ARHGAP29: variants seen among roughly 807,000 people sequenced by gnomAD.
ARHGAP29 encodes Rho GTPase activating protein 29, also known as rho GTPase-activating protein 29.
In ARHGAP29, 43 loss-of-function variants were observed where a neutral mutation model predicts 122.6. The observed-to-expected ratio is 0.35, with a 90% CI of 0.27 to 0.45. ARHGAP29 has a LOEUF of 0.45. Ranked by LOEUF, ARHGAP29 falls within the 20% of genes least tolerant of loss-of-function variation. ARHGAP29 has a pLI of 1.00. For synonymous variants in ARHGAP29, 506 were observed against 497.1 expected (o/e 1.02, Z -0.24); for missense variants, 1,303 against 1,477.2 (o/e 0.88, Z 1.93).
rs538112923 is a variant in ARHGAP29 at position 94,183,634 on chromosome 1, C to T, written c.2247+517G>A. Reference sequence around the variant, plus strand: ...CTCATTCATCATCTTGGCCACTAACCTATCACAATGGCTATTTTAAAATAT... The same window carrying T: ...CTCATTCATCATCTTGGCCACTAACTTATCACAATGGCTATTTTAAAATAT... On this transcript the variant is annotated intron_variant, in intron 19 of 22. Coordinates refer to ENST00000260526, the MANE Select transcript of ARHGAP29 (RefSeq NM_004815.4). 5.9e-5 allele frequency among the ~76,000 whole-genome samples: 9 copies of T among 152,250 alleles called. 1 individual carries two copies. The highest frequency in any genetic ancestry group is 1.4e-4 in the African/African-American group (6 of 41,550).
intron 3 of ARHGAP29, among the ~76,000 whole-genome samples, chr1:94,212,801 T>A (rs1334778885): frequency 6.6e-6 from 1 of 152,090 alleles, no homozygotes; most frequent in Non-Finnish European, 1.5e-5. Context: ...CTAATATAAT[T>A]CTCTTTTTTG....
chr1:94,195,762 T>C (rs1034645967), intron 12 of ARHGAP29: 1 of 152,034 alleles, frequency 6.6e-6, no homozygotes, highest in Non-Finnish European at 1.5e-5. Context: ...TATAATGCTA[T>C]ATAAGAAACT....
the ARHGAP29 span, among the ~76,000 whole-genome samples, chr1:94,310,582 C>G: frequency 6.6e-6 from 1 of 152,236 alleles, no homozygotes; most frequent in Non-Finnish European, 1.5e-5. Flanking sequence ...ATCTTTCCAG[C>G]ACAATCCTTT....
At chr1:94,232,284 C>T (rs145524085) in intron 1 of ARHGAP29, among the ~76,000 whole-genome samples, 5 of 152,014 alleles carry the variant, frequency 3.3e-5, no homozygotes, top group East Asian at 3.9e-4. Flanking sequence ...TTACATGACG[C>T]GATGATACAG....
Position 94,186,407 on chromosome 1 carries a change from T to C in ARHGAP29, c.1780+92A>G, listed in dbSNP as rs545898821. On this transcript the variant is annotated intron_variant, in intron 16 of 22. Transcript: ENST00000260526. ...TTTTTGTTTAATACACAAAAAAGTA[T>C]TGATTCTTTAAAATTATACTATTTA... 3.3e-6 allele frequency: 3 copies of C among 899,648 alleles called. No homozygotes were observed. In the African/African-American group the frequency reaches 5.2e-5, roughly 16 times the overall value. 55.7% of individuals were successfully genotyped at this position (899,648 alleles called of 1,614,324 possible).
At chr1:94,235,654 A>G (rs531922116) in intron 1 of ARHGAP29, among the ~76,000 whole-genome samples, 21 of 152,328 alleles carry the variant, frequency 1.4e-4, no homozygotes, top group African/African-American at 5.1e-4. Flanking sequence ...AGACTTGTGC[A>G]AAATATTTTT....
At chr1:94,278,891 C>G (rs573197884), upstream of ARHGAP29, among the ~76,000 whole-genome samples, 6 of 152,276 alleles carry the variant, frequency 3.9e-5, no homozygotes, top group South Asian at 1.2e-3. Flanking sequence ...GGGCTTCTCC[C>G]CTGGTATAAC....
intron 1 of ARHGAP29, chr1:94,250,346 G>A (rs1654035640): frequency 6.6e-6 from 1 of 152,138 alleles, no homozygotes; most frequent in Non-Finnish European, 1.5e-5. Flanking sequence ...TGAGCACAGG[G>A]GATATATCAG....
intron 3 of ARHGAP29, among the ~76,000 whole-genome samples, chr1:94,210,281 A>AGTT (rs1651502673): frequency 6.6e-6 from 1 of 152,192 alleles, no homozygotes; most frequent in Non-Finnish European, 1.5e-5. Flanking sequence ...TTTAAAACAG[A>AGTT]GTTGTCTTTA....
chr1:94,215,413 T>TA (rs1337721710), intron 3 of ARHGAP29, among the ~76,000 whole-genome samples: 1 of 151,782 alleles, frequency 6.6e-6, no homozygotes, highest in Non-Finnish European at 1.5e-5. Context: ...AAGCTATCCC[T>TA]ACCAGATACT....
intron 1 of ARHGAP29, chr1:94,248,194 C>G (rs1237165930): frequency 6.6e-6 from 1 of 152,198 alleles, no homozygotes; most frequent in East Asian, 1.9e-4. Flanking sequence ...AACTGATTGT[C>G]ACTTTCAGCA....
the ARHGAP29 span, among the ~76,000 whole-genome samples, chr1:94,290,578 C>G: frequency 1.3e-5 from 2 of 152,224 alleles, no homozygotes; most frequent in Non-Finnish European, 1.5e-5. Context: ...AAATTTCCCT[C>G]TATACACTGC....
chr1:94,200,075 G>C (rs974410000), intron 12 of ARHGAP29, among the ~76,000 whole-genome samples: 2 of 152,058 alleles, frequency 1.3e-5, no homozygotes, highest in East Asian at 3.9e-4. Flanking sequence ...CTTGGGTTAG[G>C]TAAAGCACTC....
At chr1:94,313,758 A>G in the ARHGAP29 span, among the ~76,000 whole-genome samples, 2 of 152,194 alleles carry the variant, frequency 1.3e-5, no homozygotes, top group African/African-American at 4.8e-5. Flanking sequence ...TGGATTAAGA[A>G]ACTGTGGCAC....
chr1:94,205,978 AAT>A (rs1651161995), intron 5 of ARHGAP29, among the ~76,000 whole-genome samples: 1 of 152,240 alleles, frequency 6.6e-6, no homozygotes. Context: ...AGATAACAAA[AAT>A]ATTAGTCAAG....
the ARHGAP29 span, among the ~76,000 whole-genome samples, chr1:94,290,994 G>A: frequency 7.6e-4 from 115 of 152,012 alleles, no homozygotes; most frequent in Non-Finnish European, 1.4e-3. Flanking sequence ...TTTCTGTCTC[G>A]TTGATCTAAT....
At chr1:94,222,968 G>C (rs1652398374) in intron 2 of ARHGAP29, among the ~76,000 whole-genome samples, 2 of 150,888 alleles carry the variant, frequency 1.3e-5, no homozygotes, top group African/African-American at 4.9e-5. Context: ...TTTTGAGACG[G>C]AGTCTCGCTC....
At chr1:94,235,440 T>C (rs113499676) in intron 1 of ARHGAP29, among the ~76,000 whole-genome samples, 478 of 152,332 alleles carry the variant, frequency 3.1e-3, no homozygotes, top group Non-Finnish European at 5.3e-3. Flanking sequence ...GCCTGGTTCA[T>C]CATAAAGATG....
chr1:94,228,348 T>C (rs945512668), intron 2 of ARHGAP29, among the ~76,000 whole-genome samples: 3 of 151,806 alleles, frequency 2.0e-5, no homozygotes, highest in African/African-American at 7.2e-5. Context: ...CAGAACAATG[T>C]ATAATCTCCA....
Sources: gnomAD v4.1 joint callset for allele counts (sites outside exome capture counted in the v4.1 genomes callset) on GRCh38, gnomAD v4.1.1 for gene constraint, MANE v1.5 for transcripts, NCBI Gene and HGNC (gene_info 2026-07-23, HGNC 2026-07-21) for gene names.